The following PIBF1 variants were observed in gnomAD, a reference collection of about 807,000 sequenced individuals.
The protein encoded by PIBF1 is progesterone immunomodulatory binding factor 1.
A neutral mutation model predicts 112.5 loss-of-function variants in PIBF1; 90 were observed. That is an observed-to-expected ratio of 0.80 (90% CI 0.67 to 0.95). PIBF1 has a LOEUF of 0.95. Among genes scored for constraint, PIBF1 ranks in the 40% least tolerant of loss-of-function variants. PIBF1 has a pLI of 0.00. For synonymous variants in PIBF1, 301 were observed against 288.6 expected (o/e 1.04, Z -0.44); for missense variants, 915 against 852.3 (o/e 1.07, Z -0.92).
intron 15 of PIBF1, among the ~76,000 whole-genome samples, chr13:72,971,220 G>A (rs1028595649): frequency 1.3e-5 from 2 of 151,354 alleles, no homozygotes; most frequent in African/African-American, 4.9e-5. Flanking sequence ...GTGTGTGTGT[G>A]TGTATGCACT....
At position 72,954,243 on chromosome 13, in the gene PIBF1, A is replaced by C. The variant is rs114545696; in HGVS notation, c.1834-11031A>C. On this transcript the variant is annotated intron_variant, in intron 14 of 17. Coordinates refer to ENST00000326291, the MANE Select transcript of PIBF1 (RefSeq NM_006346.4). ...ACTAGCTGTGTTCCAGGCAGTCTACACTTAGAACACAAAACTGCCCCAAGC... is the reference window on the plus strand; with the variant it reads ...ACTAGCTGTGTTCCAGGCAGTCTACCCTTAGAACACAAAACTGCCCCAAGC... Among the ~76,000 whole-genome samples, 813 of 152,262 alleles carry C rather than the reference A, an allele frequency of 5.3e-3. 15 individuals are homozygous for C. The highest frequency in any genetic ancestry group is 0.018 in the African/African-American group (764 of 41,566).
At chr13:72,938,397 C>G (rs752786024) in intron 14 of PIBF1, among the ~76,000 whole-genome samples, 1 of 151,016 alleles carries the variant, frequency 6.6e-6, no homozygotes, top group Non-Finnish European at 1.5e-5. Flanking sequence ...CAATAATGTG[C>G]TCTCTCTCTC....
At chr13:72,850,647 AG>A (rs1411307136) in intron 9 of PIBF1, among the ~76,000 whole-genome samples, 1 of 152,260 alleles carries the variant, frequency 6.6e-6, no homozygotes, top group Non-Finnish European at 1.5e-5. Context: ...AATAACATAT[AG>A]AATAATGAAG....
intron 17 of PIBF1, among the ~76,000 whole-genome samples, chr13:72,999,326 G>A (rs2043783163): frequency 6.6e-6 from 1 of 151,904 alleles, no homozygotes; most frequent in Non-Finnish European, 1.5e-5. Flanking sequence ...CCAAAAATAT[G>A]TACAGTTATT....
intron 5 of PIBF1, among the ~76,000 whole-genome samples, chr13:72,821,033 A>C (rs778222783): frequency 5.9e-5 from 9 of 152,210 alleles, no homozygotes; most frequent in Non-Finnish European, 1.0e-4. Context: ...ATGTGATGGT[A>C]ATGATACAGT....
At chr13:72,842,667 T>A (rs1286897045) in intron 9 of PIBF1, among the ~76,000 whole-genome samples, 1 of 152,186 alleles carries the variant, frequency 6.6e-6, no homozygotes, top group Non-Finnish European at 1.5e-5. Flanking sequence ...ATTTTAAAAG[T>A]GTATGTCCTC....
chr13:72,880,013 C>T (rs2039559744), intron 10 of PIBF1, among the ~76,000 whole-genome samples: 1 of 152,158 alleles, frequency 6.6e-6, no homozygotes, highest in Non-Finnish European at 1.5e-5. Flanking sequence ...CAAAACATGT[C>T]TGCATGCCAG....
intron 5 of PIBF1, among the ~76,000 whole-genome samples, chr13:72,798,999 A>C (rs755854215): frequency 1.4e-4 from 21 of 152,192 alleles, no homozygotes; most frequent in Non-Finnish European, 1.5e-5. Flanking sequence ...GTGCTGTGCT[A>C]GGTGCTGGCA....
chr13:72,882,568 A>C (rs921761032), intron 10 of PIBF1, among the ~76,000 whole-genome samples: 5 of 152,314 alleles, frequency 3.3e-5, no homozygotes, highest in Middle Eastern at 3.4e-3. Context: ...AGAATATATA[A>C]AGAGTTCAAA....
chr13:72,926,564 G>A (rs1376533446), intron 13 of PIBF1, among the ~76,000 whole-genome samples: 1 of 152,156 alleles, frequency 6.6e-6, no homozygotes, highest in Non-Finnish European at 1.5e-5. Flanking sequence ...TAAAGTGCGG[G>A]CCAGATCGTG....
intron 11 of PIBF1, among the ~76,000 whole-genome samples, chr13:72,896,211 G>A (rs2040276266): frequency 6.6e-6 from 1 of 152,126 alleles, no homozygotes; most frequent in Admixed American, 6.5e-5. Context: ...AACAATCACT[G>A]CATTTTGGCT....
intron 15 of PIBF1, among the ~76,000 whole-genome samples, chr13:72,967,688 G>A (rs1279471389): frequency 2.6e-5 from 4 of 152,226 alleles, no homozygotes; most frequent in Admixed American, 6.5e-5. Context: ...TGAGTTGATC[G>A]TTGTTGAAGC....
intron 12 of PIBF1, among the ~76,000 whole-genome samples, chr13:72,909,497 CTTT>C (rs768847208): frequency 1.4e-5 from 2 of 142,830 alleles, no homozygotes; most frequent in Non-Finnish European, 1.5e-5. Context: ...TTTCTTTTTT[CTTT>C]TTTTTTTTTT....
chr13:72,794,071 A>G (rs1036020612), intron 3 of PIBF1, among the ~76,000 whole-genome samples: 9 of 152,158 alleles, frequency 5.9e-5, no homozygotes, highest in African/African-American at 2.2e-4. Flanking sequence ...GGAGACTGAG[A>G]AGGAACCACA....
intron 16 of PIBF1, among the ~76,000 whole-genome samples, chr13:72,991,518 C>T (rs2043479873): frequency 6.6e-6 from 1 of 152,060 alleles, no homozygotes; most frequent in Non-Finnish European, 1.5e-5. Flanking sequence ...AGAATTACAA[C>T]ATGTACTGTT....
At chr13:72,943,705 C>A (rs1220148877) in intron 14 of PIBF1, among the ~76,000 whole-genome samples, 1 of 152,194 alleles carries the variant, frequency 6.6e-6, no homozygotes, top group African/African-American at 2.4e-5. Context: ...TTGTTACCTT[C>A]GTACTCCTCA....
chr13:72,929,980 C>T (rs2041651673), intron 13 of PIBF1, among the ~76,000 whole-genome samples: 1 of 152,106 alleles, frequency 6.6e-6, no homozygotes, highest in South Asian at 2.1e-4. Flanking sequence ...CCATCTCAGC[C>T]TCCCAAGTAG....
At chr13:72,999,112 T>C (rs2043776508) in intron 17 of PIBF1, 117 bp downstream of exon 17, 4 of 641,094 alleles carry the variant, frequency 6.2e-6, no homozygotes, top group Non-Finnish European at 1.1e-5. Context: ...ATATGTTTCA[T>C]GAAAAGACCT....
At chr13:72,898,850 GAA>G (rs796629828) in intron 11 of PIBF1, among the ~76,000 whole-genome samples, 12 of 99,220 alleles carry the variant, frequency 1.2e-4, no homozygotes, top group Non-Finnish European at 1.6e-4. Flanking sequence ...CTCCATCTCA[GAA>G]AAAAAAAAAA....
Sources: gnomAD v4.1 joint callset for allele counts (sites outside exome capture counted in the v4.1 genomes callset) on GRCh38, gnomAD v4.1.1 for gene constraint, MANE v1.5 for transcripts, NCBI Gene and HGNC (gene_info 2026-07-23, HGNC 2026-07-21) for gene names.